Variants in KATNIP observed in about 807,000 individuals in gnomAD.
The protein encoded by KATNIP is katanin interacting protein.
Under a neutral mutation model 174.0 loss-of-function variants are expected in KATNIP, and 126 were observed. The observed-to-expected ratio is 0.72, with a 90% CI of 0.63 to 0.84. The LOEUF (loss-of-function observed/expected upper bound fraction) is 0.84. Among genes scored for constraint, KATNIP ranks in the 40% least tolerant of loss-of-function variants. The pLI is 0.00. For missense variants in KATNIP, 1,958 were observed against 2,109.7 expected, an observed-to-expected ratio of 0.93 and a Z score of 1.41; for synonymous variants, 810 against 835.7, an observed-to-expected ratio of 0.97 and a Z score of 0.53.
At chr16:27,770,243 A>C (rs1357808368) in intron 21 of KATNIP, among the ~76,000 whole-genome samples, 1 of 152,258 alleles carries the variant, frequency 6.6e-6, no homozygotes, top group Non-Finnish European at 1.5e-5. Flanking sequence ...GGAGTGCTGA[A>C]GATTTTAAAT....
chr16:27,573,560 G>C (rs1282805775), intron 1 of KATNIP, among the ~76,000 whole-genome samples: 1 of 152,192 alleles, frequency 6.6e-6, no homozygotes, highest in Non-Finnish European at 1.5e-5. Context: ...TCTTGTGGAA[G>C]GCATTTTATG....
rs767505623 is a variant in KATNIP, at chr16:27,777,876, C to G, written c.4713-5C>G. On this transcript the variant is annotated splice_polypyrimidine_tract_variant and splice_region_variant and intron_variant, in intron 26 of 27. Coordinates refer to ENST00000261588, the MANE Select transcript of KATNIP (RefSeq NM_015202.5). The surrounding 1 kb of genome is among the most constrained non-coding windows in gnomAD (Gnocchi z 4.4). The stretch of plus-strand genomic sequence containing the variant: ...TCGAATCTTGTGTTTCCTTCCTACC[C>G]TCAGTAATCAGGCCGAGGATCAAGA... The G allele has an allele frequency of 6.2e-7, 1 of 1,613,886 alleles. No homozygotes were observed. The highest frequency in any genetic ancestry group is 8.5e-7 in the Non-Finnish European group (1 of 1,179,814).
intron 5 of KATNIP, among the ~76,000 whole-genome samples, chr16:27,635,592 G>C (rs1052495989): frequency 5.9e-5 from 9 of 151,442 alleles, no homozygotes; most frequent in African/African-American, 1.9e-4. Flanking sequence ...ACTGTGCAAG[G>C]CTCTAGGGTT....
chr16:27,584,315 C>T (rs2090806233), intron 2 of KATNIP, among the ~76,000 whole-genome samples: 1 of 152,018 alleles, frequency 6.6e-6, no homozygotes, highest in African/African-American at 2.4e-5. Flanking sequence ...GGGTTGTGCA[C>T]TTGTCCTGGA....
intron 3 of KATNIP, among the ~76,000 whole-genome samples, chr16:27,623,455 C>T (rs558957112): frequency 1.3e-5 from 2 of 151,878 alleles, no homozygotes; most frequent in Non-Finnish European, 2.9e-5. Context: ...CAGTTATTGA[C>T]TGATTGATTG....
intron 2 of KATNIP, among the ~76,000 whole-genome samples, chr16:27,598,303 A>G (rs1464318420): frequency 6.6e-6 from 1 of 151,286 alleles, no homozygotes; most frequent in East Asian, 1.9e-4. Context: ...GGCTGACCAG[A>G]CTCTCCCAAT....
intron 2 of KATNIP, among the ~76,000 whole-genome samples, chr16:27,590,295 G>A (rs1186675149): frequency 6.6e-6 from 1 of 150,926 alleles, no homozygotes; most frequent in African/African-American, 2.4e-5. Flanking sequence ...GCTCTTCTGT[G>A]TAGTATGATT....
In KATNIP at chr16:27,742,293, G is replaced by A. The variant is rs535083799; in HGVS notation, c.2623+1373G>A. 2.0e-5 allele frequency among the ~76,000 whole-genome samples: 3 copies of A among 152,318 alleles called. No homozygotes were observed. In the East Asian group the frequency reaches 5.8e-4, roughly 29 times the overall value. ...CAGGCACACAACTCTCTGGGCCTCA[G>A]TGTTTTCATCTGTAAAATGGTTATG... On this transcript the variant is annotated intron_variant, in intron 15 of 27. Transcript: ENST00000261588.
chr16:27,600,222 G>A (rs1488381896), intron 2 of KATNIP, among the ~76,000 whole-genome samples: 1 of 152,172 alleles, frequency 6.6e-6, no homozygotes, highest in African/African-American at 2.4e-5. Context: ...GGAGGGAAAG[G>A]AACGCAGTCC....
intron 14 of KATNIP, among the ~76,000 whole-genome samples, chr16:27,726,271 A>G (rs2080446673): frequency 6.6e-6 from 1 of 152,184 alleles, no homozygotes; most frequent in South Asian, 2.1e-4. Context: ...TGGGAAAATT[A>G]TCTTCCACAA....
At position 27,645,769 on chromosome 16, in the gene KATNIP, G is replaced by A. The variant is rs553028567; in HGVS notation, c.409-2835G>A. Among the ~76,000 whole-genome samples the A allele has an allele frequency of 2.6e-5, 4 of 152,294 alleles. No individual in the cohort carries two copies. In the East Asian group the frequency reaches 7.7e-4, roughly 29 times the overall value. On this transcript the variant is annotated intron_variant, in intron 5 of 27. Coordinates refer to ENST00000261588, the MANE Select transcript of KATNIP (RefSeq NM_015202.5). Reference sequence around the variant, plus strand: ...AGGAAGAAGGGTAGAAGGGTAAAGGGCAGAAGTCCTGTCTGCACTGAGTCT... The same window carrying A: ...AGGAAGAAGGGTAGAAGGGTAAAGGACAGAAGTCCTGTCTGCACTGAGTCT...
chr16:27,718,888 C>T (rs1372375110), intron 13 of KATNIP: 1 of 152,252 alleles, frequency 6.6e-6, no homozygotes, highest in Non-Finnish European at 1.5e-5. Context: ...CAAAACAAGT[C>T]CCCTTTGTCC....
At chr16:27,607,375 T>C (rs771827806) in intron 2 of KATNIP, among the ~76,000 whole-genome samples, 6 of 152,144 alleles carry the variant, frequency 3.9e-5, no homozygotes, top group Non-Finnish European at 8.8e-5. Context: ...ACAAGGATCT[T>C]AGAGCATAGG....
intron 1 of KATNIP, among the ~76,000 whole-genome samples, chr16:27,559,858 A>G (rs796490567): frequency 6.6e-5 from 10 of 150,624 alleles, no homozygotes; most frequent in Admixed American, 4.0e-4. Context: ...GCACCTGCCT[A>G]TAATCCCAGC....
At chr16:27,772,468 G>A (rs1567431325) in intron 22 of KATNIP, among the ~76,000 whole-genome samples, 1 of 152,230 alleles carries the variant, frequency 6.6e-6, no homozygotes, top group Non-Finnish European at 1.5e-5. Context: ...GAGCCACCCG[G>A]CCTGCTCCTG....
At chr16:27,699,449 C>T in intron 9 of KATNIP, 85 bp from the exon 10 acceptor site, 1 of 1,574,402 alleles carries the variant, frequency 6.4e-7, no homozygotes, top group Non-Finnish European at 8.6e-7. Flanking sequence ...GGTCCCTGCC[C>T]TTTTCTGTGC....
intron 8 of KATNIP, chr16:27,685,308 T>G (rs990312723): frequency 1.3e-5 from 2 of 152,156 alleles, no homozygotes; most frequent in African/African-American, 4.8e-5. Context: ...GGAGAATTGC[T>G]TGAACCCGAG....
At chr16:27,609,681 C>T (rs956451988) in intron 2 of KATNIP, among the ~76,000 whole-genome samples, 24 of 150,464 alleles carry the variant, frequency 1.6e-4, no homozygotes, top group East Asian at 5.9e-4. Flanking sequence ...TGAGCCACCG[C>T]GCCCTGCCAA....
At chr16:27,695,144 C>T (rs988409909) in intron 8 of KATNIP, among the ~76,000 whole-genome samples, 2 of 152,252 alleles carry the variant, frequency 1.3e-5, no homozygotes, top group African/African-American at 4.8e-5. Context: ...TCCCCTCCTC[C>T]ACCGCTGTTG....
Sources: allele counts gnomAD v4.1 joint callset (sites outside exome capture counted in the v4.1 genomes callset), GRCh38; gene constraint gnomAD v4.1.1; non-coding constraint Gnocchi (gnomAD v3.1); transcripts MANE v1.5; gene names NCBI Gene and HGNC (gene_info 2026-07-23, HGNC 2026-07-21).